The following RTL4 variants were observed in gnomAD, a reference collection of about 807,000 sequenced individuals.
RTL4 encodes retrotransposon Gag like 4.
Under a neutral mutation model 5.3 loss-of-function variants are expected in RTL4, and 4 were observed. That is an observed-to-expected ratio of 0.75 (90% CI 0.37 to 1.72). The LOEUF is 1.72. Among genes scored for constraint, RTL4 ranks in the 40% most tolerant of loss-of-function variants. The pLI is 0.04. For synonymous variants in RTL4, 98 were observed against 87.3 expected (o/e 1.12, Z -0.68); for missense variants, 260 against 227.1 (o/e 1.14, Z -0.93).
chrX:112,152,156 T>C, the RTL4 span, among the ~76,000 whole-genome samples: 5 of 111,452 alleles, frequency 4.5e-5, no homozygotes, highest in Non-Finnish European at 7.5e-5. Context: ...AAAACAGCCA[T>C]AGTTACCCCT....
the RTL4 span, among the ~76,000 whole-genome samples, chrX:112,247,626 G>A: frequency 8.9e-6 from 1 of 112,144 alleles, no homozygotes; most frequent in Non-Finnish European, 1.9e-5. Context: ...ATGAAACTCA[G>A]CAAAGTTAAA....
the RTL4 span, among the ~76,000 whole-genome samples, chrX:112,366,569 G>A: frequency 0.015 from 1,689 of 111,878 alleles, 36 homozygotes; most frequent in African/African-American, 0.052. Flanking sequence ...GTATTTGTTT[G>A]TTGAATGGCT....
At chrX:112,216,967 T>G in the RTL4 span, among the ~76,000 whole-genome samples, 2 of 112,316 alleles carry the variant, frequency 1.8e-5, no homozygotes, top group Non-Finnish European at 3.8e-5. Flanking sequence ...TGATCCATTT[T>G]TGACAACAGG....
the RTL4 span, among the ~76,000 whole-genome samples, chrX:112,374,784 C>A: frequency 9.0e-6 from 1 of 111,642 alleles, no homozygotes; most frequent in Non-Finnish European, 1.9e-5. Context: ...GGAACTCATT[C>A]GCCTAGGTGC....
the RTL4 span, among the ~76,000 whole-genome samples, chrX:112,373,678 A>C: frequency 1.1e-5 from 1 of 89,346 alleles, no homozygotes. Context: ...TGCTCAATGA[A>C]TTTTGAAATA....
chrX:112,431,847 A>C, the RTL4 span, among the ~76,000 whole-genome samples: 13 of 102,586 alleles, frequency 1.3e-4, 1 homozygote, highest in Admixed American at 1.4e-3. Flanking sequence ...GTCATTTAGC[A>C]TTAGGTATAT....
the RTL4 span, among the ~76,000 whole-genome samples, chrX:112,137,357 A>G: frequency 5.2e-4 from 58 of 111,959 alleles, no homozygotes; most frequent in African/African-American, 1.8e-3. Context: ...CTGTTTGTCA[A>G]AGACTAGGTA....
At chrX:112,423,115 G>T in the RTL4 span, among the ~76,000 whole-genome samples, 16 of 109,730 alleles carry the variant, frequency 1.5e-4, no homozygotes, top group South Asian at 8.0e-4. Context: ...TGTGTGTGGG[G>T]GGGGGATGGG....
chrX:112,236,839 T>C, the RTL4 span, among the ~76,000 whole-genome samples: 1 of 111,055 alleles, frequency 9.0e-6, no homozygotes, highest in Non-Finnish European at 1.9e-5. Context: ...TTTGCACGTG[T>C]GATTAAGTTA....
upstream of RTL4, among the ~76,000 whole-genome samples, chrX:112,449,547 T>C (rs1569328766): frequency 8.9e-6 from 1 of 111,920 alleles, no homozygotes; most frequent in Non-Finnish European, 1.9e-5. Context: ...CAGAGATTGA[T>C]TAAAATGGAG....
the RTL4 span, among the ~76,000 whole-genome samples, chrX:112,104,737 T>C: frequency 8.9e-6 from 1 of 111,967 alleles, no homozygotes; most frequent in East Asian, 2.8e-4. Flanking sequence ...CCATTTTTAA[T>C]TGGGTTATAT....
chrX:112,093,435 T>C, the RTL4 span, among the ~76,000 whole-genome samples: 2 of 111,539 alleles, frequency 1.8e-5, no homozygotes, highest in Non-Finnish European at 3.8e-5. Flanking sequence ...AGTCCATCAC[T>C]GACCAGCCAA....
chrX:112,107,794 T>A, the RTL4 span, among the ~76,000 whole-genome samples: 3 of 111,839 alleles, frequency 2.7e-5, no homozygotes, highest in Non-Finnish European at 5.6e-5. Context: ...GGTCGTCTTT[T>A]TTTGACTGAA....
the RTL4 span, among the ~76,000 whole-genome samples, chrX:112,189,810 C>T: frequency 9.0e-6 from 1 of 111,281 alleles, no homozygotes; most frequent in African/African-American, 3.3e-5. Flanking sequence ...ATCTGAAATG[C>T]TGTGATGAAC....
chrX:112,197,536 T>C, the RTL4 span, among the ~76,000 whole-genome samples: 3 of 111,766 alleles, frequency 2.7e-5, no homozygotes, highest in African/African-American at 9.8e-5. Flanking sequence ...ATGGCTGGAA[T>C]GGAGTAGTAT....
the RTL4 span, among the ~76,000 whole-genome samples, chrX:112,260,323 T>C: frequency 9.0e-6 from 1 of 111,546 alleles, no homozygotes; most frequent in Non-Finnish European, 1.9e-5. Flanking sequence ...CTCACTGCCC[T>C]TTAGAGTCCT....
At chrX:112,280,103 T>C in the RTL4 span, among the ~76,000 whole-genome samples, 1 of 111,812 alleles carries the variant, frequency 8.9e-6, no homozygotes, top group Non-Finnish European at 1.9e-5. Flanking sequence ...CAATAGATAC[T>C]GTCTAAAACT....
chrX:112,253,029 A>G, the RTL4 span, among the ~76,000 whole-genome samples: 1 of 111,731 alleles, frequency 9.0e-6, no homozygotes, highest in African/African-American at 3.3e-5. Flanking sequence ...ATTTTCTGAT[A>G]CTTGCTATAG....
At chrX:112,451,696 T>G (rs1450495161), upstream of RTL4, among the ~76,000 whole-genome samples, 3 of 111,683 alleles carry the variant, frequency 2.7e-5, no homozygotes, top group East Asian at 2.8e-4. Context: ...GCTTTGAGTT[T>G]AGAAGTGACA....
Sources: allele counts gnomAD v4.1 joint callset (sites outside exome capture counted in the v4.1 genomes callset), GRCh38; gene constraint gnomAD v4.1.1; transcripts MANE v1.5; gene names NCBI Gene and HGNC (gene_info 2026-07-23, HGNC 2026-07-21).